Variants in RNF135 observed in about 807,000 individuals in gnomAD.
The protein encoded by RNF135 is ring finger protein 135.
In RNF135, 46 loss-of-function variants were observed where a neutral mutation model predicts 41.9. The observed-to-expected ratio is 1.10, with a 90% confidence interval of 0.87 to 1.40. The LOEUF (loss-of-function observed/expected upper bound fraction) is 1.40, where lower values mean the gene tolerates loss of function less well. Ranked by LOEUF, RNF135 falls within the 40% of genes most tolerant of loss-of-function variation. The pLI, the probability that RNF135 is intolerant of heterozygous loss-of-function variation, is 0.00. For synonymous variants in RNF135, 238 were observed against 223.8 expected (o/e 1.06, Z -0.57); for missense variants, 539 against 549.8 (o/e 0.98, Z 0.20).
At chr17:30,996,019 C>T (rs558372740) in intron 3 of RNF135, among the ~76,000 whole-genome samples, 21 of 151,632 alleles carry the variant, frequency 1.4e-4, no homozygotes, top group Admixed American at 1.2e-3. Context: ...TCAGGTGATC[C>T]GCCCGCCTCA....
chr17:30,982,566 C>G (rs1459539167), intron 1 of RNF135, among the ~76,000 whole-genome samples: 4 of 152,108 alleles, frequency 2.6e-5, no homozygotes, highest in African/African-American at 9.7e-5. Flanking sequence ...AAAGTTAAAA[C>G]CAGGTACTGT....
At chr17:30,978,602 A>G (rs8073811) in intron 1 of RNF135, 1 of 148,632 alleles carries the variant, frequency 6.7e-6, no homozygotes, top group East Asian at 1.9e-4. Flanking sequence ...TTTTTTATTT[A>G]TTTTTTATTT....
chr17:30,965,839 G>A, the RNF135 span, among the ~76,000 whole-genome samples: 1 of 151,162 alleles, frequency 6.6e-6, no homozygotes, highest in East Asian at 1.9e-4. Context: ...TCGTCCTCAT[G>A]AACTGAGTCC....
At chr17:30,969,814 G>A (rs550639384), upstream of RNF135, among the ~76,000 whole-genome samples, 1 of 147,644 alleles carries the variant, frequency 6.8e-6, no homozygotes, top group South Asian at 2.1e-4. Flanking sequence ...GCCCAGGCTG[G>A]AGTGCAGTGG....
rs916264674 is a variant in RNF135, at chr17:30,971,301, G to A, written c.228G>A (p.Thr76=). ...AGCAGCCGCACCTGCGGAAGAACAC[G>A]CTACTGCAGGACCTGGCCGACAAGT... ...AAQQPHLRKN[T]LLQDLADKYR... The change falls in exon 1 of 5, where the codon ACG becomes ACA. Residue 76 remains threonine, a synonymous_variant. Coordinates refer to ENST00000328381, the MANE Select transcript of RNF135 (RefSeq NM_032322.4). The A allele has an allele frequency of 6.5e-7, 1 of 1,531,444 alleles. No homozygotes were observed. Among genetic ancestry groups the A allele is most frequent in the Non-Finnish European group, 8.8e-7 (1 of 1,142,704 alleles). The allele number at this position is 1,531,444 out of a possible 1,614,324, so 94.9% of individuals were successfully genotyped here. A position where few individuals can be genotyped will look rare whatever the true frequency, so the allele number is the denominator to read the frequency against.
At chr17:30,984,582 A>G in intron 1 of RNF135, 35 bp from the exon 2 acceptor site, 4 of 1,613,740 alleles carry the variant, frequency 2.5e-6, no homozygotes, top group East Asian at 2.2e-5. Flanking sequence ...GTCCAGTTTT[A>G]TAGAACCCAG....
chr17:30,984,687 T>C lies in RNF135; in HGVS notation c.443T>C (p.Ile148Thr). The C allele has an allele frequency of 6.2e-7, 1 of 1,614,096 alleles. No individual in the cohort carries two copies. The highest frequency in any genetic ancestry group is 8.5e-7 in the Non-Finnish European group (1 of 1,180,020). The change falls in exon 2 of 5, where the codon ATT (isoleucine) becomes ACT (threonine). Residue 148 changes from isoleucine (I) to threonine (T), a missense_variant. Ile to Thr is a moderately conservative substitution (Grantham distance 89). Coordinates refer to ENST00000328381, the MANE Select transcript of RNF135 (RefSeq NM_032322.4). ...GAGCTGGTGGAACATCTTGTAGACATTGTCAGAAGCCTGCAGAATCAGAGG... is the reference window on the plus strand; with the variant it reads ...GAGCTGGTGGAACATCTTGTAGACACTGTCAGAAGCCTGCAGAATCAGAGG... ...LTELVEHLVD[I>T]VRSLQNQRPL... is the part of the protein sequence containing the mutation.
chr17:30,997,389 A>G (rs1908424549), intron 4 of RNF135, 58 bp downstream of exon 4: 1 of 1,394,538 alleles, frequency 7.2e-7, no homozygotes, highest in African/African-American at 1.4e-5. Flanking sequence ...GGGCTTCGAG[A>G]ATATCCTACA....
In RNF135 at chr17:30,995,599, A is replaced by C. The variant is rs933602308; in HGVS notation, c.680-1643A>C. On this transcript the variant is annotated intron_variant, in intron 3 of 4. Transcript: ENST00000328381. ...TTCCACATTCCTTCAACCCCCTCCT[A>C]CCTGGCAACCACTATTCCACTTTCT... 2.0e-5 allele frequency among the ~76,000 whole-genome samples: 3 copies of C among 151,914 alleles called. No homozygotes were observed. The East Asian group carries it at 5.8e-4, about 29-fold the overall frequency.
intron 1 of RNF135, chr17:30,978,616 AT>A (rs1284171628): frequency 0.012 from 1,741 of 143,464 alleles, 37 homozygotes; most frequent in African/African-American, 0.04. Context: ...TTTATTTTTT[AT>A]TTTTTTTTTA....
the RNF135 span, among the ~76,000 whole-genome samples, chr17:30,965,904 C>T: frequency 6.6e-5 from 10 of 151,946 alleles, no homozygotes; most frequent in South Asian, 2.1e-4. Flanking sequence ...GTCCTGGTGG[C>T]GTAAGTCTGG....
At chr17:30,971,824 C>G (rs1905986721) in intron 1 of RNF135, 1 of 713,576 alleles carries the variant, frequency 1.4e-6, no homozygotes, top group African/African-American at 2.0e-5. Context: ...CGCTCTGTCG[C>G]CCAGGCTGGA....
At chr17:30,987,523 C>T (rs966990516) in intron 2 of RNF135, among the ~76,000 whole-genome samples, 25 of 152,180 alleles carry the variant, frequency 1.6e-4, no homozygotes, top group African/African-American at 5.5e-4. Flanking sequence ...TGAGCCACCA[C>T]ACCTAGCCGA....
upstream of RNF135, chr17:30,970,923 C>G (rs1004800171): frequency 4.0e-5 from 44 of 1,095,768 alleles, no homozygotes; most frequent in African/African-American, 6.7e-4. Context: ...TCAGCAGGAT[C>G]GGAGGAAGGA....
At position 30,986,695 on chromosome 17, in the gene RNF135, G is replaced by A. The variant is rs1455505746; in HGVS notation, c.517-1249G>A. On this transcript the variant is annotated intron_variant, in intron 2 of 4. Transcript: ENST00000328381. Reference sequence around the variant, plus strand: ...TCACTCACTAGTATTATGACCTTGGGCAAGTCATTTCATCTATCTGCGTCT... The same window carrying A: ...TCACTCACTAGTATTATGACCTTGGACAAGTCATTTCATCTATCTGCGTCT... 2.6e-5 allele frequency among the ~76,000 whole-genome samples: 4 copies of A among 152,144 alleles called. No individual in the cohort carries two copies. In the East Asian group the frequency reaches 7.7e-4, roughly 29 times the overall value.
intron 1 of RNF135, among the ~76,000 whole-genome samples, chr17:30,981,297 C>G (rs964444007): frequency 6.7e-6 from 1 of 149,592 alleles, no homozygotes; most frequent in African/African-American, 2.6e-5. Flanking sequence ...TGCAGTGAGC[C>G]GAGATGGCAG....
intron 1 of RNF135, among the ~76,000 whole-genome samples, chr17:30,982,562 A>C (rs1907232812): frequency 6.6e-6 from 1 of 152,148 alleles, no homozygotes; most frequent in African/African-American, 2.4e-5. Context: ...ATATAAAGTT[A>C]AAACCAGGTA....
upstream of RNF135, chr17:30,968,665 G>A (rs1905657707): frequency 6.6e-6 from 1 of 151,918 alleles, no homozygotes; most frequent in Non-Finnish European, 1.5e-5. Context: ...TGGGATTACA[G>A]GCGTGAGCCA....
At chr17:30,995,926 TTGTGTGTGTG>T (rs56185624) in intron 3 of RNF135, among the ~76,000 whole-genome samples, 46 of 147,842 alleles carry the variant, frequency 3.1e-4, no homozygotes, top group Non-Finnish European at 6.2e-4. Flanking sequence ...CTGACTAGTT[TTGTGTGTGTG>T]TGTGTGTGTG....
Sources: allele counts gnomAD v4.1 joint callset (sites outside exome capture counted in the v4.1 genomes callset), GRCh38; gene constraint gnomAD v4.1.1; transcripts MANE v1.5; gene names NCBI Gene and HGNC (gene_info 2026-07-23, HGNC 2026-07-21).